The following EDARADD variants were observed in gnomAD, a reference collection of about 807,000 sequenced individuals.
The protein encoded by EDARADD is ectodysplasin-A receptor-associated adapter protein.
A neutral mutation model predicts 25.6 loss-of-function variants in EDARADD; 20 were observed. The observed-to-expected ratio is 0.78, with a 90% CI of 0.55 to 1.14. EDARADD has a LOEUF of 1.14. Ranked by LOEUF, EDARADD falls within the 50% of genes most tolerant of loss-of-function variation. The pLI, the probability that EDARADD is intolerant of heterozygous loss-of-function variation, is 0.00. For missense variants in EDARADD, 225 were observed against 270.1 expected (o/e 0.83, Z 1.17); for synonymous variants, 86 against 94.4 (o/e 0.91, Z 0.52).
At chr1:236,405,759 TTC>T (rs1183920697) in intron 1 of EDARADD, among the ~76,000 whole-genome samples, 4 of 56,386 alleles carry the variant, frequency 7.1e-5, no homozygotes, top group South Asian at 6.4e-4. Flanking sequence ...CTTTCTTTCT[TTC>T]TTTCTTTCTT....
At chr1:236,351,273 T>C (rs1229156123) in intron 3 of EDARADD, among the ~76,000 whole-genome samples, 1 of 152,190 alleles carries the variant, frequency 6.6e-6, no homozygotes, top group Non-Finnish European at 1.5e-5. Flanking sequence ...TAATTTTGCC[T>C]CAGCCTCTTC....
At chr1:236,477,482 G>A (rs1659542117) in intron 5 of EDARADD, among the ~76,000 whole-genome samples, 1 of 152,112 alleles carries the variant, frequency 6.6e-6, no homozygotes, top group Non-Finnish European at 1.5e-5. Context: ...TAAGAAAACC[G>A]TACAGTGTTT....
intron 3 of EDARADD, among the ~76,000 whole-genome samples, chr1:236,361,144 T>C (rs1231785436): frequency 6.6e-6 from 1 of 152,142 alleles, no homozygotes; most frequent in Non-Finnish European, 1.5e-5. Flanking sequence ...TATGTGTACA[T>C]CTGTGGAAAC....
rs1263047476 is a variant in EDARADD at position 236,395,496 on chromosome 1, G to A, written c.61+991G>A. 7.9e-6 allele frequency: 12 copies of A among 1,523,246 alleles called. No homozygotes were observed. The highest frequency in any genetic ancestry group is 1.1e-5 in the Non-Finnish European group (12 of 1,139,332). The allele number at this position is 1,523,246 out of a possible 1,614,324, so 94.4% of individuals were successfully genotyped here. ...GGAGGGGAAGGCGGAGGAGGGCAGGGGCGCGCAGAGCCACGGTTTGCTCCA... is the reference window on the plus strand; with the variant it reads ...GGAGGGGAAGGCGGAGGAGGGCAGGAGCGCGCAGAGCCACGGTTTGCTCCA... On this transcript the variant is annotated intron_variant, in intron 1 of 5. Transcript: ENST00000334232. The surrounding 1 kb of genome is among the most constrained non-coding windows in gnomAD (Gnocchi z 6.9).
rs1657577742 is a variant in EDARADD at position 236,414,294 on chromosome 1, C to T, written c.155C>T (p.Pro52Leu). ...DKYPIQDTEL[P>L]KAEECDTITL... ...TATCCCATTCAAGATACGGAACTCC[C>T]TAAAGGTATGTACAGTTAAAATAAC... Residue 52 changes from proline to leucine, a missense_variant, in exon 3 of 6, where the codon CCT (proline) becomes CTT (leucine). Transcript: ENST00000334232. 1 of 1,609,372 alleles carries T rather than the reference C, an allele frequency of 6.2e-7. No individual in the cohort carries two copies. The highest frequency in any genetic ancestry group is 2.2e-5 in the East Asian group (1 of 44,798).
intron 4 of EDARADD, among the ~76,000 whole-genome samples, chr1:236,436,652 C>G (rs1052895024): frequency 7.1e-6 from 1 of 140,880 alleles, no homozygotes; most frequent in Non-Finnish European, 1.6e-5. Context: ...AAAGTAAGAA[C>G]CTTAACTCTT....
At chr1:236,358,412 T>A (rs1309264741) in intron 3 of EDARADD, among the ~76,000 whole-genome samples, 1 of 152,248 alleles carries the variant, frequency 6.6e-6, no homozygotes, top group Non-Finnish European at 1.5e-5. Flanking sequence ...TATTTTTGGT[T>A]ATTTCTTGTC....
chr1:236,451,333 G>A (rs1304559403), intron 4 of EDARADD, among the ~76,000 whole-genome samples: 2 of 152,184 alleles, frequency 1.3e-5, no homozygotes, highest in African/African-American at 4.8e-5. Flanking sequence ...CACACAGTAA[G>A]TGCTCAATAA....
intron 4 of EDARADD, among the ~76,000 whole-genome samples, chr1:236,445,385 G>A (rs996440041): frequency 5.3e-5 from 8 of 151,916 alleles, no homozygotes; most frequent in Non-Finnish European, 1.2e-4. Context: ...GTGCCACCAC[G>A]CCCGGCTGAT....
chr1:236,405,863 TTCCTTCC>T (rs1667715696), intron 1 of EDARADD, among the ~76,000 whole-genome samples: 2 of 57,984 alleles, frequency 3.4e-5, no homozygotes, highest in African/African-American at 1.4e-4. Flanking sequence ...CCTTCCTTCC[TTCCTTCC>T]TTCCTTCTTT....
At chr1:236,467,631 GAAAAGGGAAAGAATTGT>G (rs1258552133) in intron 4 of EDARADD, among the ~76,000 whole-genome samples, 1 of 151,978 alleles carries the variant, frequency 6.6e-6, no homozygotes, top group Non-Finnish European at 1.5e-5. Flanking sequence ...GAAATAAATA[GAAAAGGGAAAGAATTGT>G]AACCTGGATT....
intron 4 of EDARADD, among the ~76,000 whole-genome samples, chr1:236,439,032 A>G (rs1215635331): frequency 6.6e-6 from 1 of 152,248 alleles, no homozygotes; most frequent in Non-Finnish European, 1.5e-5. Context: ...ATTTCTGACC[A>G]ACAACTGACC....
At chr1:236,359,647 G>A (rs1166438509) in intron 3 of EDARADD, among the ~76,000 whole-genome samples, 7 of 152,238 alleles carry the variant, frequency 4.6e-5, no homozygotes, top group African/African-American at 1.7e-4. Flanking sequence ...AAGGCAAGGA[G>A]AAGCAAGTCA....
At chr1:236,456,352 T>G (rs1277556215) in intron 4 of EDARADD, among the ~76,000 whole-genome samples, 1 of 152,188 alleles carries the variant, frequency 6.6e-6, no homozygotes, top group African/African-American at 2.4e-5. Context: ...GAGGGTCCTG[T>G]GTTGGAATAA....
chr1:236,349,803 A>C (rs1184230659), intron 2 of EDARADD, among the ~76,000 whole-genome samples: 1 of 152,086 alleles, frequency 6.6e-6, no homozygotes, highest in Non-Finnish European at 1.5e-5. Flanking sequence ...GGAAGGAAAA[A>C]AAAAGGGCAG....
chr1:236,466,821 C>T (rs983291299), intron 4 of EDARADD, among the ~76,000 whole-genome samples: 2 of 152,186 alleles, frequency 1.3e-5, no homozygotes, highest in African/African-American at 4.8e-5. Context: ...GTAATCCCAA[C>T]ACTTTGGGAG....
At chr1:236,407,251 C>T (rs1667754261) in intron 1 of EDARADD, among the ~76,000 whole-genome samples, 1 of 152,172 alleles carries the variant, frequency 6.6e-6, no homozygotes, top group South Asian at 2.1e-4. Context: ...TGGTGCTGGG[C>T]CGCGGTCCCC....
chr1:236,419,434 C>T (rs1048147407), intron 3 of EDARADD, among the ~76,000 whole-genome samples: 1 of 152,064 alleles, frequency 6.6e-6, no homozygotes, highest in Non-Finnish European at 1.5e-5. Flanking sequence ...AAAAACTCAA[C>T]TTCTCGTAGT....
intron 3 of EDARADD, among the ~76,000 whole-genome samples, chr1:236,366,142 C>T (rs183078315): frequency 2.0e-5 from 3 of 152,264 alleles, no homozygotes; most frequent in East Asian, 1.9e-4. Flanking sequence ...TCTGCCTCTT[C>T]GCATGCCTGG....
Sources: gnomAD v4.1 joint callset for allele counts (sites outside exome capture counted in the v4.1 genomes callset) on GRCh38, gnomAD v4.1.1 for gene constraint, Gnocchi (gnomAD v3.1) non-coding constraint, MANE v1.5 for transcripts, NCBI Gene and HGNC (gene_info 2026-07-23, HGNC 2026-07-21) for gene names.